Variants in MOSPD3 observed in about 807,000 individuals in gnomAD.
MOSPD3 encodes motile sperm domain containing 3, also known as motile sperm domain-containing protein 3.
In MOSPD3, 20 loss-of-function variants were observed where a neutral mutation model predicts 23.3. The ratio of observed to expected loss-of-function variants is 0.86; its 90% confidence interval spans 0.61 to 1.25. MOSPD3 has a LOEUF of 1.25. Among genes scored for constraint, MOSPD3 ranks in the 50% most tolerant of loss-of-function variants. MOSPD3 has a pLI of 0.00. For missense variants in MOSPD3, 307 were observed against 315.7 expected (o/e 0.97, Z 0.21); for synonymous variants, 136 against 135.2 (o/e 1.01, Z -0.04).
chr7:100,613,555 A>C lies in MOSPD3; in HGVS notation c.360A>C (p.Gly120=), dbSNP rs1029390241. The stretch of plus-strand genomic sequence containing the variant: ...TCCGCATTGAGCTGTCTGAGGAAGG[A>C]GCTGAGGGCCGAGTGGTGGGACGCA... The part of the protein sequence containing the change: ...DRFRIELSEE[G]AEGRVVGRKD... Residue 120 remains glycine (G), a synonymous_variant, in exon 3 of 5, where the codon GGA becomes GGC. Transcript: ENST00000393950. The C allele has an allele frequency of 6.2e-6, 10 of 1,613,968 alleles. No homozygotes were observed. Among genetic ancestry groups the C allele is most frequent in the Admixed American group, 1.7e-5 (1 of 59,978 alleles).
In MOSPD3 at chr7:100,612,870, C is replaced by A. The variant is rs773189230; in HGVS notation, c.79C>A (p.Pro27Thr). The change falls in exon 1 of 5, where the codon CCC becomes ACC. Residue 27 changes from proline to threonine, a missense_variant. Pro to Thr is a conservative substitution (Grantham distance 38, BLOSUM62 -1). Coordinates refer to ENST00000393950, the MANE Select transcript of MOSPD3 (RefSeq NM_023948.5). Reference protein sequence around the residue: ...PGRGSRGAPPPLGPVVPVLVF... With the variant: ...PGRGSRGAPPTLGPVVPVLVF... ...GCGGGGGTCCCGGGGCGCCCCTCCT[C>A]CCTTGGGACCCGTTGTCCCGGTCCT... is the stretch of plus-strand genomic sequence containing the variant. 130 of 1,612,880 alleles carry A rather than the reference C, an allele frequency of 8.1e-5. No homozygotes were observed. The highest frequency in any genetic ancestry group is 1.1e-4 in the Non-Finnish European group (128 of 1,179,818).
At position 100,615,335 on chromosome 7, in the gene MOSPD3, A is replaced by G. The variant is rs1425917421; in HGVS notation, c.*152A>G. ...TGACAAAAAACACCCAGGGATTTGT[A>G]CTCATTTTCCAAGTTGAATAAAATA... On this transcript the variant is annotated 3_prime_UTR_variant, in exon 5 of 5. Transcript: ENST00000393950. 1.6e-6 allele frequency: 1 copy of G among 637,942 alleles called. No homozygotes were observed. Among genetic ancestry groups the G allele is most frequent in the Non-Finnish European group, 2.7e-6 (1 of 376,700 alleles). 39.5% of individuals were successfully genotyped at this position (637,942 alleles called of 1,614,324 possible).
Position 100,612,759 on chromosome 7 carries a change from C to A in MOSPD3, c.-33C>A. 2 of 1,530,690 alleles carry A rather than the reference C, an allele frequency of 1.3e-6. No individual in the cohort carries two copies. The highest frequency in any genetic ancestry group is 1.3e-5 in the South Asian group (1 of 79,048). The allele number at this position is 1,530,690 out of a possible 1,614,324, so 94.8% of individuals were successfully genotyped here. ...GACTCCAGGCCCTGTCCCCTGAGCT[C>A]TGCCCTCGGATGTCCGACCGCCCAG... On this transcript the variant is annotated 5_prime_UTR_variant, in exon 1 of 5. It adds an upstream start codon to the 5' untranslated region. Coordinates refer to ENST00000393950, the MANE Select transcript of MOSPD3 (RefSeq NM_023948.5).
chr7:100,612,799 G>T lies in MOSPD3; in HGVS notation c.8G>T (p.Arg3Leu). 6.3e-7 allele frequency: 1 copy of T among 1,585,828 alleles called. No individual in the cohort carries two copies. Reference sequence around the variant, plus strand: ...CGACCGCCCAGAGCCTGCATGCGCCGTGGGGCGCCCCAGGACCAGGAGCTG... The same window carrying T: ...CGACCGCCCAGAGCCTGCATGCGCCTTGGGGCGCCCCAGGACCAGGAGCTG... MRRGAPQDQELVG... is the reference protein window; with the variant it reads MRLGAPQDQELVG... The change falls in exon 1 of 5, where the codon CGT (arginine) becomes CTT (leucine). Residue 3 changes from arginine (R) to leucine (L), a missense_variant. Coordinates refer to ENST00000393950, the MANE Select transcript of MOSPD3 (RefSeq NM_023948.5).
intron 2 of MOSPD3, 66 bp from the exon 3 acceptor site, chr7:100,613,411 G>A: frequency 6.4e-7 from 1 of 1,571,454 alleles, no homozygotes; most frequent in South Asian, 1.1e-5. Context: ...TCTGGGGGGA[G>A]GCCCAGATTT....
chr7:100,613,287 G>A lies in MOSPD3; in HGVS notation c.281+18G>A. The A allele has an allele frequency of 6.2e-7, 1 of 1,612,100 alleles. No individual in the cohort carries two copies. The highest frequency in any genetic ancestry group is 2.2e-5 in the East Asian group (1 of 44,880). Reference sequence around the variant, plus strand: ...ATTGACATGTGAGTGAGCTGGGAGGGTGGGGAGGCTTGTGGAAGCCAGGGG... The same window carrying A: ...ATTGACATGTGAGTGAGCTGGGAGGATGGGGAGGCTTGTGGAAGCCAGGGG... On this transcript the variant is annotated intron_variant, in intron 2 of 4. Transcript: ENST00000393950.
At position 100,612,806 on chromosome 7, in the gene MOSPD3, G is replaced by T. The variant is rs1802866442; in HGVS notation, c.15G>T (p.Ala5=). MRRG[A]PQDQELVGPG... is the part of the protein sequence containing the mutation. ...CCAGAGCCTGCATGCGCCGTGGGGC[G>T]CCCCAGGACCAGGAGCTGGTGGGTC... Residue 5 remains alanine (A), a synonymous_variant, in exon 1 of 5, where the codon GCG becomes GCT. Transcript: ENST00000393950. 4 of 1,586,970 alleles carry T rather than the reference G, an allele frequency of 2.5e-6. No homozygotes were observed. Among genetic ancestry groups the T allele is most frequent in the Non-Finnish European group, 3.4e-6 (4 of 1,171,384 alleles).
chr7:100,614,763 T>TAAA (rs202084428), intron 3 of MOSPD3, 104 bp from the exon 4 acceptor site: 31 of 1,062,834 alleles, frequency 2.9e-5, no homozygotes, highest in Non-Finnish European at 3.7e-5. Context: ...AAAAGATAAT[T>TAAA]AAAAAAAAAA....
Position 100,615,264 on chromosome 7 carries a change from T to G in MOSPD3, c.*81T>G, listed in dbSNP as rs1802967134. 7.8e-7 allele frequency: 1 copy of G among 1,276,862 alleles called. No homozygotes were observed. Among genetic ancestry groups the G allele is most frequent in the African/African-American group, 1.5e-5 (1 of 66,330 alleles). The allele number at this position is 1,276,862 out of a possible 1,614,324, so 79.1% of individuals were successfully genotyped here. Reference sequence around the variant, plus strand: ...GCCACTGTGATGCTCATACCTTACCTTGCCTCCTACCCTCTTCTCTTTCCT... The same window carrying G: ...GCCACTGTGATGCTCATACCTTACCGTGCCTCCTACCCTCTTCTCTTTCCT... On this transcript the variant is annotated 3_prime_UTR_variant, in exon 5 of 5. Coordinates refer to ENST00000393950, the MANE Select transcript of MOSPD3 (RefSeq NM_023948.5).
intron 3 of MOSPD3, among the ~76,000 whole-genome samples, chr7:100,613,959 T>G (rs1210690834): frequency 6.6e-6 from 1 of 152,164 alleles, no homozygotes; most frequent in Non-Finnish European, 1.5e-5. Flanking sequence ...ATGTGGTAGC[T>G]CAGTTCAGTT....
chr7:100,615,216 TC>T lies in MOSPD3; in HGVS notation c.*36del, dbSNP rs1297388092. 8.9e-7 allele frequency: 1 copy of T among 1,117,434 alleles called. No individual in the cohort carries two copies. Among genetic ancestry groups the T allele is most frequent in the Non-Finnish European group, 1.2e-6 (1 of 805,926 alleles). The allele number at this position is 1,117,434 out of a possible 1,614,324, so 69.2% of individuals were successfully genotyped here. On this transcript the variant is annotated 3_prime_UTR_variant, in exon 5 of 5. Coordinates refer to ENST00000393950, the MANE Select transcript of MOSPD3 (RefSeq NM_023948.5). ...GCTCAACCCCCAGCCCACCCCACCC[TC>T]CCTGGGCAGGGTCTTGAGGCAGCCA...
Position 100,614,849 on chromosome 7 carries a change from A to G in MOSPD3, c.512-18A>G. 1 of 1,610,440 alleles carries G rather than the reference A, an allele frequency of 6.2e-7. No individual in the cohort carries two copies. The highest frequency in any genetic ancestry group is 8.5e-7 in the Non-Finnish European group (1 of 1,177,520). On this transcript the variant is annotated intron_variant, in intron 3 of 4. Transcript: ENST00000393950. ...GCAGGAGTGGGGGCTGCAGCATCTGATGAGTCTTGTTTCTCAGACCCCCGC... is the reference window on the plus strand; with the variant it reads ...GCAGGAGTGGGGGCTGCAGCATCTGGTGAGTCTTGTTTCTCAGACCCCCGC...
In MOSPD3 at chr7:100,612,618, G is replaced by A; in HGVS notation, c.-174G>A. 1 of 537,672 alleles carries A rather than the reference G, an allele frequency of 1.9e-6. No homozygotes were observed. Among genetic ancestry groups the A allele is most frequent in the Non-Finnish European group, 3.3e-6 (1 of 306,284 alleles). The allele number at this position is 537,672 out of a possible 1,614,324, so 33.3% of individuals were successfully genotyped here. ...AAGAGGAAAGGTCTTGGGGGCCCTG[G>A]GCCTGGGTCTGCGGGAGCCCCATCT... On this transcript the variant is annotated 5_prime_UTR_variant, in exon 1 of 5. Coordinates refer to ENST00000393950, the MANE Select transcript of MOSPD3 (RefSeq NM_023948.5).
chr7:100,613,615 C>T lies in MOSPD3; in HGVS notation c.420C>T (p.Tyr140=), dbSNP rs762517812. 2.5e-6 allele frequency: 4 copies of T among 1,614,144 alleles called. No individual in the cohort carries two copies. The highest frequency in any genetic ancestry group is 3.3e-5 in the Admixed American group (2 of 60,020). The change falls in exon 3 of 5, where the codon TAC becomes TAT. Residue 140 remains tyrosine (Y), a synonymous_variant. Transcript: ENST00000393950. The part of the protein sequence containing the change: ...DITSILRAPA[Y]PLELQGQPDP... Reference sequence around the variant, plus strand: ...CCTCCATTCTGAGAGCCCCAGCGTACCCCCTTGAGCTTCAGGGACAGCCAG... The same window carrying T: ...CCTCCATTCTGAGAGCCCCAGCGTATCCCCTTGAGCTTCAGGGACAGCCAG...
At chr7:100,612,280 G>C (rs949045880), upstream of MOSPD3, 1 of 152,716 alleles carries the variant, frequency 6.5e-6, no homozygotes, top group Non-Finnish European at 1.5e-5. Context: ...TGAGGCAGAA[G>C]CCCGATGGGG....
At position 100,612,691 on chromosome 7, in the gene MOSPD3, G is replaced by T; in HGVS notation, c.-101G>T. The T allele has an allele frequency of 1.1e-6, 1 of 881,576 alleles. No homozygotes were observed. Among genetic ancestry groups the T allele is most frequent in the Admixed American group, 2.7e-5 (1 of 37,540 alleles). The allele number at this position is 881,576 out of a possible 1,614,324, so 54.6% of individuals were successfully genotyped here. ...GGCATCAGTCGAGGCCCTGCTCCGGGAGCTCATCTTGTCCCCTTTCGCCCC... is the reference window on the plus strand; with the variant it reads ...GGCATCAGTCGAGGCCCTGCTCCGGTAGCTCATCTTGTCCCCTTTCGCCCC... On this transcript the variant is annotated 5_prime_UTR_variant, in exon 1 of 5. Coordinates refer to ENST00000393950, the MANE Select transcript of MOSPD3 (RefSeq NM_023948.5).
intron 3 of MOSPD3, among the ~76,000 whole-genome samples, chr7:100,613,944 C>T (rs942674772): frequency 1.3e-5 from 2 of 152,140 alleles, no homozygotes; most frequent in Non-Finnish European, 2.9e-5. Context: ...GCAGTACTTC[C>T]TATCATGTGG....
At chr7:100,614,457 G>A (rs1802931956) in intron 3 of MOSPD3, among the ~76,000 whole-genome samples, 1 of 145,638 alleles carries the variant, frequency 6.9e-6, no homozygotes, top group Non-Finnish European at 1.5e-5. Flanking sequence ...AACAGAGTGA[G>A]ACTCCGTCTC....
chr7:100,613,725 A>G lies in MOSPD3; in HGVS notation c.511+19A>G, dbSNP rs1802908843. The G allele has an allele frequency of 6.2e-7, 1 of 1,602,290 alleles. No individual in the cohort carries two copies. Among genetic ancestry groups the G allele is most frequent in the Non-Finnish European group, 8.5e-7 (1 of 1,173,778 alleles). On this transcript the variant is annotated intron_variant, in intron 3 of 4. Transcript: ENST00000393950. ...CAGGAGCGTGAGTTGGGAGACTGGG[A>G]TCTTGAGTTCTGTAGGGAGGGAGGA... is the stretch of plus-strand genomic sequence containing the variant.
Sources: allele counts gnomAD v4.1 joint callset (sites outside exome capture counted in the v4.1 genomes callset), GRCh38; gene constraint gnomAD v4.1.1; transcripts MANE v1.5; gene names NCBI Gene and HGNC (gene_info 2026-07-23, HGNC 2026-07-21).